The following AMMECR1 variants were observed in gnomAD, a reference collection of about 807,000 sequenced individuals.
AMMECR1 encodes nuclear protein AMMECR1.
Under a neutral mutation model 22.5 loss-of-function variants are expected in AMMECR1, and 3 were observed. The ratio of observed to expected loss-of-function variants is 0.13; its 90% CI spans 0.06 to 0.35. The LOEUF (loss-of-function observed/expected upper bound fraction) is 0.35, where lower values mean the gene tolerates loss of function less well. AMMECR1 is among the 10% of genes least tolerant of loss of function. The probability of loss-of-function intolerance (pLI) is 1.00; values close to 1 mark genes in which losing one functional copy is unlikely to be tolerated. For synonymous variants in AMMECR1, 130 were observed against 116.7 expected (o/e 1.11, Z -0.74); for missense variants, 235 against 278.7 (o/e 0.84, Z 1.12).
At chrX:110,243,634 G>A (rs1296711732) in intron 2 of AMMECR1, among the ~76,000 whole-genome samples, 5 of 111,362 alleles carry the variant, frequency 4.5e-5, no homozygotes, top group Admixed American at 1.9e-4. Context: ...CATAACAACC[G>A]CCCAATGTTT....
At chrX:110,387,255 G>T (rs765586921) in intron 2 of AMMECR1, among the ~76,000 whole-genome samples, 3 of 112,328 alleles carry the variant, frequency 2.7e-5, no homozygotes, top group Non-Finnish European at 5.6e-5. Context: ...AGACTTACGT[G>T]GCCTCTGTCT....
intron 2 of AMMECR1, among the ~76,000 whole-genome samples, chrX:110,343,511 A>G (rs2068174246): frequency 1.8e-5 from 2 of 111,163 alleles, no homozygotes; most frequent in African/African-American, 3.3e-5. Flanking sequence ...GGCAGGAGAA[A>G]GAAATAAAGG....
chrX:110,267,967 T>C, intron 1 of AMMECR1, among the ~76,000 whole-genome samples: 1 of 112,144 alleles, frequency 8.9e-6, no homozygotes, highest in East Asian at 2.8e-4. Flanking sequence ...AGAGCTTAAG[T>C]TGCTGGAGGA....
chrX:110,323,119 A>G (rs1443495492), intron 2 of AMMECR1, among the ~76,000 whole-genome samples: 1 of 112,046 alleles, frequency 8.9e-6, no homozygotes, highest in East Asian at 2.8e-4. Context: ...TCAAGCTGCT[A>G]TTTCTATTGC....
chrX:110,306,666 C>T (rs2067997358), intron 1 of AMMECR1: 1 of 111,122 alleles, frequency 9.0e-6, no homozygotes, highest in Non-Finnish European at 1.9e-5. Flanking sequence ...CCATATTGGT[C>T]AGGCCAGTCT....
Position 110,198,521 on chromosome X carries a change from C to T in AMMECR1, c.1001G>A (p.Ter334=), listed in dbSNP as rs2067381880. 1 of 1,167,426 alleles carries T rather than the reference C, an allele frequency of 8.6e-7. No homozygotes were observed. The highest frequency in any genetic ancestry group is 1.8e-5 in the African/African-American group (1 of 55,700). Residue 334 remains the stop codon, a stop_retained_variant, in exon 6 of 6, where the codon TGA becomes TAA. Coordinates refer to ENST00000262844, the MANE Select transcript of AMMECR1 (RefSeq NM_015365.3). ...HPLPPYNHYS[*] is the part of the protein sequence containing the mutation. ...AGTGACTGGTTGTGCGGCTCAGTGTCAGGAATAATGGTTGTATGGCGGAAG... is the reference window on the plus strand; with the variant it reads ...AGTGACTGGTTGTGCGGCTCAGTGTTAGGAATAATGGTTGTATGGCGGAAG...
At chrX:110,208,946 C>T (rs1042965661) in intron 3 of AMMECR1, among the ~76,000 whole-genome samples, 3 of 111,450 alleles carry the variant, frequency 2.7e-5, no homozygotes, top group Non-Finnish European at 5.7e-5. Context: ...AAATAAAAAG[C>T]GTGCTTTCTA....
chrX:110,395,122 G>C (rs1284305223), intron 2 of AMMECR1, among the ~76,000 whole-genome samples: 1 of 112,614 alleles, frequency 8.9e-6, no homozygotes, highest in African/African-American at 3.2e-5. Flanking sequence ...GGGCTGCTTT[G>C]TGGGAAGCCA....
intron 1 of AMMECR1, among the ~76,000 whole-genome samples, chrX:110,310,551 G>A (rs2068019252): frequency 9.0e-6 from 1 of 111,577 alleles, no homozygotes; most frequent in South Asian, 3.8e-4. Flanking sequence ...GGAAAGGGGA[G>A]GAGAGTTCTT....
intron 1 of AMMECR1, chrX:110,307,291 T>C (rs1473851605): frequency 9.2e-6 from 1 of 108,560 alleles, no homozygotes; most frequent in Non-Finnish European, 1.9e-5. Context: ...TACATGTATA[T>C]GATAAAAGAT....
chrX:110,339,137 G>A (rs977105687), intron 2 of AMMECR1, among the ~76,000 whole-genome samples: 2 of 111,225 alleles, frequency 1.8e-5, no homozygotes, highest in African/African-American at 3.3e-5. Context: ...CGTGACAAGC[G>A]CGTGCAAGTT....
At chrX:110,372,800 T>C (rs936268485) in intron 2 of AMMECR1, among the ~76,000 whole-genome samples, 7 of 111,433 alleles carry the variant, frequency 6.3e-5, no homozygotes, top group African/African-American at 2.3e-4. Context: ...GTCACAGCAA[T>C]GAGCATAAAT....
intron 2 of AMMECR1, among the ~76,000 whole-genome samples, chrX:110,382,989 T>A (rs2068431038): frequency 8.9e-6 from 1 of 112,001 alleles, no homozygotes. Flanking sequence ...CATGATGCAG[T>A]GGGAGTGGAA....
At chrX:110,422,926 A>G (rs1220408414) in intron 2 of AMMECR1, among the ~76,000 whole-genome samples, 1 of 112,455 alleles carries the variant, frequency 8.9e-6, no homozygotes, top group African/African-American at 3.2e-5. Flanking sequence ...TCCAAACAAG[A>G]ACTGGGGGCT....
intron 2 of AMMECR1, among the ~76,000 whole-genome samples, chrX:110,258,520 T>C (rs952643627): frequency 8.9e-6 from 1 of 112,350 alleles, no homozygotes; most frequent in Non-Finnish European, 1.9e-5. Flanking sequence ...TTGTAATTAA[T>C]AAACTGAAAC....
At chrX:110,204,745 G>C (rs141639098) in intron 3 of AMMECR1, among the ~76,000 whole-genome samples, 223 of 111,776 alleles carry the variant, frequency 2.0e-3, no homozygotes, top group African/African-American at 7.0e-3. Flanking sequence ...TGTATGGTAT[G>C]TGAATGGTAT....
chrX:110,225,143 T>C (rs2067526158), intron 2 of AMMECR1: 1 of 312,954 alleles, frequency 3.2e-6, no homozygotes, highest in Admixed American at 3.1e-5. Context: ...ATAAAGTATA[T>C]ACTTGTACTA....
Position 110,317,655 on chromosome X carries a change from G to A in AMMECR1, c.417C>T (p.Tyr139=), listed in dbSNP as rs1440829228. 1.7e-6 allele frequency: 2 copies of A among 1,207,753 alleles called. No homozygotes were observed. Among genetic ancestry groups the A allele is most frequent in the African/African-American group, 3.5e-5 (2 of 57,184 alleles). ...EMCCFCFDVL[Y]CHLYGYQQPR... ...GCTGCTGGTATCCATACAGGTGACA[G>A]TAGAGCACATCGAAGCAAAAGCAGC... is the stretch of plus-strand genomic sequence containing the variant. The change falls in exon 1 of 6, where the codon TAC becomes TAT. Residue 139 remains tyrosine (Y), a synonymous_variant. Coordinates refer to ENST00000262844, the MANE Select transcript of AMMECR1 (RefSeq NM_015365.3).
At chrX:110,319,776 T>C (rs924806942), upstream of AMMECR1, among the ~76,000 whole-genome samples, 6 of 112,031 alleles carry the variant, frequency 5.4e-5, no homozygotes, top group Non-Finnish European at 1.1e-4. Flanking sequence ...AGAGCTAGGA[T>C]TGGAATGCTG....
Sources: allele counts gnomAD v4.1 joint callset (sites outside exome capture counted in the v4.1 genomes callset), GRCh38; gene constraint gnomAD v4.1.1; transcripts MANE v1.5; gene names NCBI Gene and HGNC (gene_info 2026-07-23, HGNC 2026-07-21).